The following DYNC2H1 variants were observed in gnomAD, a reference collection of about 807,000 sequenced individuals.
DYNC2H1 encodes the protein dynein cytoplasmic 2 heavy chain 1, also known as cytoplasmic dynein 2 heavy chain 1.
DYNC2H1 carries 410 observed loss-of-function variants against 570.0 expected under a neutral mutation model. The ratio of observed to expected loss-of-function variants is 0.72; its 90% CI spans 0.66 to 0.78. DYNC2H1 has a LOEUF of 0.78. DYNC2H1 is among the 30% of genes least tolerant of loss of function. DYNC2H1 has a pLI of 0.00. For missense variants in DYNC2H1, 4,865 were observed against 5,046.4 expected, an observed-to-expected ratio of 0.96 and a Z score of 1.09; for synonymous variants, 1,688 against 1,677.6, an observed-to-expected ratio of 1.01 and a Z score of -0.15.
In DYNC2H1 at chr11:103,323,869, C is replaced by T; in HGVS notation, c.11935-17C>T. ...TTTATTTTTTAAAAAAACTGTTTTTCACTTCTTTATATTTAGGACTATCGT... is the reference window on the plus strand; with the variant it reads ...TTTATTTTTTAAAAAAACTGTTTTTTACTTCTTTATATTTAGGACTATCGT... On this transcript the variant is annotated splice_polypyrimidine_tract_variant and intron_variant, in intron 81 of 88. Transcript: ENST00000375735. The T allele has an allele frequency of 6.3e-7, 1 of 1,589,634 alleles. No homozygotes were observed. The highest frequency in any genetic ancestry group is 1.7e-5 in the Admixed American group (1 of 57,922).
At position 103,363,042 on chromosome 11, in the gene DYNC2H1, A is replaced by G. The variant is rs1177337133; in HGVS notation, c.12156+4683A>G. Among the ~76,000 whole-genome samples the G allele has an allele frequency of 6.6e-6, 1 of 151,734 alleles. No individual in the cohort carries two copies. Among genetic ancestry groups the G allele is most frequent in the Non-Finnish European group, 1.5e-5 (1 of 67,988 alleles). On this transcript the variant is annotated intron_variant, in intron 83 of 88. Transcript: ENST00000375735. This position sits in a 1 kb window ranked among gnomAD's most constrained non-coding sequence, Gnocchi z 5.6. ...CAAGACTCTGTCTCAAAATAAATAA[A>G]TAAATAAATAATATAATATAATATA...
chr11:103,277,837 C>T lies in DYNC2H1; in HGVS notation c.10696-2511C>T, dbSNP rs117868547. 7.2e-5 allele frequency among the ~76,000 whole-genome samples: 11 copies of T among 152,248 alleles called. No homozygotes were observed. The South Asian group carries it at 1.0e-3, about 14-fold the overall frequency. ...TATGATGTTTAATTTTTTCAGAGGA[C>T]GCTTTTCTTTTCCCCAGATTCCAGG... On this transcript the variant is annotated intron_variant, in intron 70 of 88. Transcript: ENST00000375735. The surrounding 1 kb of genome is among the most constrained non-coding windows in gnomAD (Gnocchi z 4.3).
intron 17 of DYNC2H1, among the ~76,000 whole-genome samples, chr11:103,141,470 C>T (rs1038249978): frequency 7.2e-5 from 11 of 152,172 alleles, no homozygotes; most frequent in African/African-American, 2.7e-4. Flanking sequence ...GAGGTCCACT[C>T]CAGACCCTGT....
Position 103,479,248 on chromosome 11 carries a change from C to T in DYNC2H1, c.12919C>T (p.Gln4307Ter). The T allele has an allele frequency of 6.2e-7, 1 of 1,609,618 alleles. No individual in the cohort carries two copies. The highest frequency in any genetic ancestry group is 1.7e-5 in the Admixed American group (1 of 59,492). The change falls in exon 89 of 89, where the codon CAG (glutamine) becomes TAG (stop). Residue 4307 changes from glutamine (Q) to a stop codon, truncating the protein, a stop_gained. Coordinates refer to ENST00000375735, the MANE Select transcript of DYNC2H1 (RefSeq NM_001377.3). LOFTEE classifies it high-confidence loss of function. ...QCGAALFLKNQ is the reference protein window; with the variant it reads ...QCGAALFLKN Reference sequence around the variant, plus strand: ...TGGAGCAGCTCTATTCCTAAAAAATCAGTAGAATCTAATGACAACAAAAGC... The same window carrying T: ...TGGAGCAGCTCTATTCCTAAAAAATTAGTAGAATCTAATGACAACAAAAGC...
intron 82 of DYNC2H1, among the ~76,000 whole-genome samples, chr11:103,346,969 T>C (rs761221838): frequency 1.3e-5 from 2 of 152,196 alleles, no homozygotes; most frequent in Admixed American, 6.5e-5. Context: ...TACCCTGTGA[T>C]CAATCTTTGC....
chr11:103,243,659 T>G lies in DYNC2H1; in HGVS notation c.9820-34T>G. 6.9e-7 allele frequency: 1 copy of G among 1,442,506 alleles called. No individual in the cohort carries two copies. The highest frequency in any genetic ancestry group is 9.5e-7 in the Non-Finnish European group (1 of 1,051,572). 89.4% of individuals were successfully genotyped at this position (1,442,506 alleles called of 1,614,324 possible). A position where few individuals can be genotyped will look rare whatever the true frequency, so the allele number is the denominator to read the frequency against. On this transcript the variant is annotated intron_variant, in intron 63 of 88. Transcript: ENST00000375735. The surrounding 1 kb of genome is among the most constrained non-coding windows in gnomAD (Gnocchi z 4.8). Reference sequence around the variant, plus strand: ...CATTTAAATGAAAGCTTATAATCATTAAAAAACATTACTTTTCCTTTTTTT... The same window carrying G: ...CATTTAAATGAAAGCTTATAATCATGAAAAAACATTACTTTTCCTTTTTTT...
intron 75 of DYNC2H1, among the ~76,000 whole-genome samples, chr11:103,301,433 G>A (rs1341830062): frequency 1.3e-5 from 2 of 151,856 alleles, no homozygotes; most frequent in Non-Finnish European, 2.9e-5. Flanking sequence ...GATGTTTATT[G>A]AGTTAATGAA....
Position 103,199,195 on chromosome 11 carries a change from A to G in DYNC2H1, c.7840-33A>G. 1.4e-6 allele frequency: 2 copies of G among 1,389,432 alleles called. No individual in the cohort carries two copies. The highest frequency in any genetic ancestry group is 2.5e-5 in the East Asian group (1 of 39,934). The allele number at this position is 1,389,432 out of a possible 1,614,324, so 86.1% of individuals were successfully genotyped here. ...TTTTTATTATGTAATTAGGGCTTAT[A>G]TTAATTATAAAATATTCTGATTTTT... On this transcript the variant is annotated intron_variant, in intron 48 of 88. Transcript: ENST00000375735. This position sits in a 1 kb window ranked among gnomAD's most constrained non-coding sequence, Gnocchi z 4.6.
At position 103,242,209 on chromosome 11, in the gene DYNC2H1, A is replaced by G. The variant is rs184166671; in HGVS notation, c.9820-1484A>G. 1.9e-3 allele frequency among the ~76,000 whole-genome samples: 284 copies of G among 152,268 alleles called. 1 individual carries two copies. The highest frequency in any genetic ancestry group is 0.011 in the South Asian group (55 of 4,824). On this transcript the variant is annotated intron_variant, in intron 63 of 88. Transcript: ENST00000375735. ...CATACTATGATATACATACATGCAT[A>G]TATATACATACAATGTTTTTTCTAA...
chr11:103,383,108 G>C (rs1047592166), intron 83 of DYNC2H1, among the ~76,000 whole-genome samples: 5 of 152,168 alleles, frequency 3.3e-5, no homozygotes, highest in Non-Finnish European at 7.4e-5. Context: ...TGTGTTTGAG[G>C]GGGGGATTCT....
chr11:103,470,013 G>GA (rs370336539), intron 88 of DYNC2H1, among the ~76,000 whole-genome samples: 98 of 147,270 alleles, frequency 6.7e-4, no homozygotes, highest in African/African-American at 2.1e-3. Flanking sequence ...TCATGAGGAG[G>GA]AAAAAAAAAA....
chr11:103,183,573 G>A (rs1249485983), intron 40 of DYNC2H1, among the ~76,000 whole-genome samples: 1 of 151,874 alleles, frequency 6.6e-6, no homozygotes, highest in Non-Finnish European at 1.5e-5. Context: ...ATACCACAAT[G>A]AATTCTCTAG....
chr11:103,363,364 C>A lies in DYNC2H1; in HGVS notation c.12156+5005C>A, dbSNP rs955830699. On this transcript the variant is annotated intron_variant, in intron 83 of 88. Transcript: ENST00000375735. This position sits in a 1 kb window ranked among gnomAD's most constrained non-coding sequence, Gnocchi z 5.6. ...ATAAGTGAGCTGGAGAGGAGATCTA[C>A]TAGTGTGTTATTTCAACTGAGAGAG... 1.3e-5 allele frequency among the ~76,000 whole-genome samples: 2 copies of A among 152,074 alleles called. No individual in the cohort carries two copies. The highest frequency in any genetic ancestry group is 4.8e-5 in the African/African-American group (2 of 41,396).
chr11:103,113,141 G>C (rs1186240949), intron 1 of DYNC2H1, among the ~76,000 whole-genome samples: 3 of 152,020 alleles, frequency 2.0e-5, no homozygotes, highest in Non-Finnish European at 4.4e-5. Flanking sequence ...TAGACTTTCT[G>C]GGTTACTAGA....
At chr11:103,358,418 G>A (rs1467940369) in intron 83 of DYNC2H1, 59 bp downstream of exon 83, 1 of 1,187,758 alleles carries the variant, frequency 8.4e-7, no homozygotes, top group Non-Finnish European at 1.2e-6. Context: ...GTAACCATGT[G>A]CTCCCCATTT....
In DYNC2H1 at chr11:103,264,240, G is replaced by T. The variant is rs944279948; in HGVS notation, c.10695+4263G>T. ...AGCCTACCAACCAAAAAAAGCCCAG[G>T]GTCAGATGGATTCACAGCCAAATTC... is the stretch of plus-strand genomic sequence containing the variant. On this transcript the variant is annotated intron_variant, in intron 70 of 88. Coordinates refer to ENST00000375735, the MANE Select transcript of DYNC2H1 (RefSeq NM_001377.3). The surrounding 1 kb of genome is among the most constrained non-coding windows in gnomAD (Gnocchi z 4.8). 2.0e-5 allele frequency among the ~76,000 whole-genome samples: 3 copies of T among 151,980 alleles called. No individual in the cohort carries two copies. The highest frequency in any genetic ancestry group is 2.0e-4 in the Admixed American group (3 of 15,272).
At chr11:103,230,503 C>T (rs1850618732) in intron 59 of DYNC2H1, among the ~76,000 whole-genome samples, 1 of 152,182 alleles carries the variant, frequency 6.6e-6, no homozygotes, top group African/African-American at 2.4e-5. Context: ...GCTAGACTTG[C>T]AGCATTCTGG....
At position 103,244,352 on chromosome 11, in the gene DYNC2H1, T is replaced by C. The variant is rs1864529881; in HGVS notation, c.9918+561T>C. Among the ~76,000 whole-genome samples the C allele has an allele frequency of 6.6e-6, 1 of 151,988 alleles. No homozygotes were observed. The highest frequency in any genetic ancestry group is 2.4e-5 in the African/African-American group (1 of 41,440). On this transcript the variant is annotated intron_variant, in intron 64 of 88. Transcript: ENST00000375735. This position sits in a 1 kb window ranked among gnomAD's most constrained non-coding sequence, Gnocchi z 4.3. The stretch of plus-strand genomic sequence containing the variant: ...GAGGAAATTATTTTTGGTTAGGTTA[T>C]TATTTTGTTAAAGGAAGACCTAATA...
Position 103,275,159 on chromosome 11 carries a change from T to C in DYNC2H1, c.10696-5189T>C, listed in dbSNP as rs1865861053. Among the ~76,000 whole-genome samples the C allele has an allele frequency of 6.6e-6, 1 of 152,112 alleles. No homozygotes were observed. Among genetic ancestry groups the C allele is most frequent in the African/African-American group, 2.4e-5 (1 of 41,400 alleles). ...GTAATATTCATTGGCTATGTTATAG[T>C]TGTGAATGTGTTTTTTTAAAGTAGG... is the stretch of plus-strand genomic sequence containing the variant. On this transcript the variant is annotated intron_variant, in intron 70 of 88. Coordinates refer to ENST00000375735, the MANE Select transcript of DYNC2H1 (RefSeq NM_001377.3). The surrounding 1 kb of genome is among the most constrained non-coding windows in gnomAD (Gnocchi z 4.8).
Sources: allele counts gnomAD v4.1 joint callset (sites outside exome capture counted in the v4.1 genomes callset), GRCh38; gene constraint gnomAD v4.1.1; non-coding constraint Gnocchi (gnomAD v3.1); transcripts MANE v1.5; gene names NCBI Gene and HGNC (gene_info 2026-07-23, HGNC 2026-07-21).